AKAP9: variants seen among roughly 807,000 people sequenced by gnomAD.
AKAP9 encodes A-kinase anchor protein 9.
AKAP9 carries 311 observed loss-of-function variants against 488.5 expected under a neutral mutation model. The ratio of observed to expected loss-of-function variants is 0.64; its 90% CI spans 0.58 to 0.70. The LOEUF (loss-of-function observed/expected upper bound fraction) is 0.70. AKAP9 is among the 30% of genes least tolerant of loss of function. The pLI is 0.00. For missense variants in AKAP9, 4,215 were observed against 4,374.5 expected, an observed-to-expected ratio of 0.96 and a Z score of 1.03; for synonymous variants, 1,462 against 1,483.5, an observed-to-expected ratio of 0.99 and a Z score of 0.33.
intron 21 of AKAP9, among the ~76,000 whole-genome samples, chr7:92,052,477 A>G (rs1358083847): frequency 2.6e-5 from 4 of 151,944 alleles, no homozygotes; most frequent in Admixed American, 2.6e-4. Context: ...TTATCAAAGA[A>G]AAAAATACTG....
At chr7:92,097,435 TA>T (rs1816810308) in intron 41 of AKAP9, 78 bp downstream of exon 41, 1 of 1,541,036 alleles carries the variant, frequency 6.5e-7, no homozygotes, top group Non-Finnish European at 8.8e-7. Flanking sequence ...GATATTGGAT[TA>T]AATTACTTAA....
intron 7 of AKAP9, among the ~76,000 whole-genome samples, chr7:91,996,598 G>A (rs1407352016): frequency 4.6e-5 from 7 of 152,150 alleles, no homozygotes; most frequent in Admixed American, 4.6e-4. Flanking sequence ...TGTATGTCCA[G>A]CAACTCAAAT....
At chr7:92,058,164 C>T (rs1373504327) in intron 22 of AKAP9, 1 of 585,172 alleles carries the variant, frequency 1.7e-6, no homozygotes, top group Non-Finnish European at 3.4e-6. Context: ...GCTGTATCTT[C>T]TGGGATGGAT....
At chr7:92,049,537 G>A (rs928662558) in intron 21 of AKAP9, among the ~76,000 whole-genome samples, 5 of 152,200 alleles carry the variant, frequency 3.3e-5, no homozygotes, top group African/African-American at 1.2e-4. Context: ...CGTGAACCCC[G>A]GAGGCGGAGC....
At chr7:92,035,282 A>T (rs918789382) in intron 16 of AKAP9, among the ~76,000 whole-genome samples, 8 of 152,212 alleles carry the variant, frequency 5.3e-5, no homozygotes, top group African/African-American at 1.9e-4. Context: ...CCCATGGTTA[A>T]CTTAATTAAT....
In AKAP9 at chr7:92,102,475, C is replaced by CTAG. The variant is rs1157859907; in HGVS notation, c.11098-117_11098-116insGTA. 14 of 713,508 alleles carry CTAG rather than the reference C, an allele frequency of 2.0e-5. No homozygotes were observed. The African/African-American group carries it at 2.5e-4, about 13-fold the overall frequency. 44.2% of individuals were successfully genotyped at this position (713,508 alleles called of 1,614,324 possible). The stretch of plus-strand genomic sequence containing the variant: ...ACTACTACTACTACTACTACTACTA[C>CTAG]TACTACTACTACTACCACCACCACC... On this transcript the variant is annotated intron_variant, in intron 45 of 49. Coordinates refer to ENST00000356239, the MANE Select transcript of AKAP9 (RefSeq NM_005751.5).
chr7:92,077,581 T>TG (rs1812821103), intron 29 of AKAP9, 115 bp from the exon 30 acceptor site: 1 of 896,640 alleles, frequency 1.1e-6, no homozygotes, highest in Non-Finnish European at 1.8e-6. Flanking sequence ...AGTAACCATA[T>TG]GGTGTCTCTG....
At chr7:92,021,692 G>T (rs1802335236) in intron 12 of AKAP9, among the ~76,000 whole-genome samples, 2 of 152,136 alleles carry the variant, frequency 1.3e-5, no homozygotes, top group African/African-American at 4.8e-5. Flanking sequence ...AGCCATCTCA[G>T]CCTCCCACAG....
At position 92,003,173 on chromosome 7, in the gene AKAP9, G is replaced by A. The variant is rs754329751; in HGVS notation, c.3256G>A (p.Ala1086Thr). The change falls in exon 8 of 50, where the codon GCA (alanine) becomes ACA (threonine). Residue 1086 changes from alanine (A) to threonine (T), a missense_variant. Transcript: ENST00000356239. The stretch of plus-strand genomic sequence containing the variant: ...TGTAACAAAGGAATCATCACTTAGA[G>A]CAACTCAACCAAGTGAAAATGATAA... ...PSVTKESSLR[A>T]TQPSENDKLQ... is the part of the protein sequence containing the mutation. 2 of 1,611,402 alleles carry A rather than the reference G, an allele frequency of 1.2e-6. No individual in the cohort carries two copies. The highest frequency in any genetic ancestry group is 1.7e-6 in the Non-Finnish European group (2 of 1,178,762).
At chr7:92,105,111 G>T (rs1367537565) in intron 46 of AKAP9, among the ~76,000 whole-genome samples, 1 of 152,110 alleles carries the variant, frequency 6.6e-6, no homozygotes, top group Non-Finnish European at 1.5e-5. Context: ...CAAAACTGGT[G>T]CTCCAAAAGC....
chr7:92,042,273 C>A, intron 19 of AKAP9, 87 bp downstream of exon 19: 1 of 1,548,048 alleles, frequency 6.5e-7, no homozygotes, highest in Non-Finnish European at 8.9e-7. Flanking sequence ...GAGATGTATT[C>A]TTTTATAGGT....
chr7:92,003,109 A>G lies in AKAP9; in HGVS notation c.3192A>G (p.Glu1064=), dbSNP rs375586792. ...VSFENMTVGE[E]SKQEQLILDH... ...TTGAAAATATGACTGTTGGAGAAGAAAGTAAGCAAGAACAGTTGATTTTGG... is the reference window on the plus strand; with the variant it reads ...TTGAAAATATGACTGTTGGAGAAGAGAGTAAGCAAGAACAGTTGATTTTGG... Residue 1064 remains glutamate (E), a synonymous_variant, in exon 8 of 50, where the codon GAA becomes GAG. Transcript: ENST00000356239. The G allele has an allele frequency of 1.6e-5, 26 of 1,611,830 alleles. No individual in the cohort carries two copies. In the African/African-American group the frequency reaches 2.8e-4, roughly 17 times the overall value.
At chr7:92,105,879 A>T in intron 47 of AKAP9, 116 bp downstream of exon 47, 1 of 899,944 alleles carries the variant, frequency 1.1e-6, no homozygotes, top group Non-Finnish European at 1.8e-6. Context: ...GCCGCACAGC[A>T]GCAGGTGAGC....
chr7:91,944,262 A>G (rs1285875009), intron 1 of AKAP9, among the ~76,000 whole-genome samples: 1 of 152,172 alleles, frequency 6.6e-6, no homozygotes, highest in African/African-American at 2.4e-5. Flanking sequence ...CCTGAAAAAA[A>G]GCACCAAGAT....
chr7:91,978,256 A>AG (rs1297328327), intron 2 of AKAP9, among the ~76,000 whole-genome samples: 1 of 151,954 alleles, frequency 6.6e-6, no homozygotes, highest in Non-Finnish European at 1.5e-5. Flanking sequence ...AAAAAAAAAA[A>AG]AAAAAGAGAA....
At chr7:92,015,457 TAGGTTCAAG>T (rs1801379679) in intron 10 of AKAP9, among the ~76,000 whole-genome samples, 1 of 151,516 alleles carries the variant, frequency 6.6e-6, no homozygotes, top group South Asian at 2.1e-4. Flanking sequence ...CTCTGCCTCC[TAGGTTCAAG>T]CTATTCTTGT....
At chr7:92,069,448 A>G (rs781198114) in intron 26 of AKAP9, among the ~76,000 whole-genome samples, 1 of 152,216 alleles carries the variant, frequency 6.6e-6, no homozygotes, top group Non-Finnish European at 1.5e-5. Context: ...CAACTTGTAA[A>G]ATGTCACCTT....
chr7:92,000,237 T>C (rs1798982872), intron 7 of AKAP9, among the ~76,000 whole-genome samples: 1 of 152,226 alleles, frequency 6.6e-6, no homozygotes, highest in Non-Finnish European at 1.5e-5. Context: ...TGTTATGCCA[T>C]AAATGGTATA....
intron 37 of AKAP9, among the ~76,000 whole-genome samples, chr7:92,088,288 A>G (rs953848882): frequency 6.6e-6 from 1 of 152,136 alleles, no homozygotes; most frequent in African/African-American, 2.4e-5. Flanking sequence ...TTCAGAGTCT[A>G]CTCTTGGGGA....
Sources: gnomAD v4.1 joint callset for allele counts (sites outside exome capture counted in the v4.1 genomes callset) on GRCh38, gnomAD v4.1.1 for gene constraint, MANE v1.5 for transcripts, NCBI Gene and HGNC (gene_info 2026-07-23, HGNC 2026-07-21) for gene names.